The following LRBA variants were observed in gnomAD, a reference collection of about 807,000 sequenced individuals.
LRBA encodes the protein lipopolysaccharide-responsive and beige-like anchor protein.
A neutral mutation model predicts 330.0 loss-of-function variants in LRBA; 176 were observed. That is an observed-to-expected ratio of 0.53 (90% CI 0.47 to 0.60). The LOEUF (loss-of-function observed/expected upper bound fraction) is 0.60, where lower values mean the gene tolerates loss of function less well. LRBA is among the 20% of genes least tolerant of loss of function. The pLI is 0.00. For synonymous variants in LRBA, 1,230 were observed against 1,193.0 expected, an observed-to-expected ratio of 1.03 and a Z score of -0.64; for missense variants, 3,259 against 3,444.8, an observed-to-expected ratio of 0.95 and a Z score of 1.35.
intron 30 of LRBA, among the ~76,000 whole-genome samples, chr4:150,826,401 ACT>A (rs766336248): frequency 2.0e-5 from 3 of 152,124 alleles, no homozygotes; most frequent in Non-Finnish European, 4.4e-5. Context: ...AGATAGGCTA[ACT>A]CTACTGTTTT....
intron 36 of LRBA, among the ~76,000 whole-genome samples, chr4:150,723,610 G>A (rs1228527082): frequency 6.6e-6 from 1 of 152,172 alleles, no homozygotes; most frequent in Non-Finnish European, 1.5e-5. Flanking sequence ...ACTAGCTTCA[G>A]GGGTGACCCA....
chr4:150,611,376 C>A (rs189011581), intron 37 of LRBA, among the ~76,000 whole-genome samples: 3 of 152,186 alleles, frequency 2.0e-5, no homozygotes, highest in East Asian at 3.9e-4. Context: ...TAAGAAATAG[C>A]GCTAGACCCT....
intron 44 of LRBA, among the ~76,000 whole-genome samples, chr4:150,454,241 G>C (rs1307567320): frequency 6.6e-6 from 1 of 152,064 alleles, no homozygotes; most frequent in Admixed American, 6.6e-5. Flanking sequence ...TTACAGGCGT[G>C]AGCCACCACA....
chr4:150,506,852 C>A (rs1761156124), intron 40 of LRBA, among the ~76,000 whole-genome samples: 1 of 152,182 alleles, frequency 6.6e-6, no homozygotes, highest in Non-Finnish European at 1.5e-5. Flanking sequence ...CCAAAATCTC[C>A]TTAAGCTGAT....
At chr4:150,831,132 C>T (rs1430381678) in intron 29 of LRBA, among the ~76,000 whole-genome samples, 3 of 151,954 alleles carry the variant, frequency 2.0e-5, no homozygotes, top group African/African-American at 7.2e-5. Context: ...TTCTCATTTC[C>T]CTCAAAGAGA....
chr4:150,730,660 G>A (rs759258533), intron 36 of LRBA, among the ~76,000 whole-genome samples: 7 of 145,770 alleles, frequency 4.8e-5, no homozygotes, highest in Admixed American at 6.8e-5. Context: ...TCCAGCCTGC[G>A]TGACAGAGTG....
intron 22 of LRBA, among the ~76,000 whole-genome samples, chr4:150,860,609 C>T (rs1410028923): frequency 3.3e-5 from 5 of 151,990 alleles, no homozygotes; most frequent in African/African-American, 1.2e-4. Flanking sequence ...GCGTGGATCA[C>T]GAGGTCAGGA....
chr4:150,820,838 A>G (rs1022897901), intron 30 of LRBA, among the ~76,000 whole-genome samples: 1 of 152,128 alleles, frequency 6.6e-6, no homozygotes, highest in African/African-American at 2.4e-5. Context: ...TATGTTGTTA[A>G]ATATAAGTAT....
At chr4:150,688,164 T>C (rs1393089393) in intron 36 of LRBA, among the ~76,000 whole-genome samples, 1 of 152,072 alleles carries the variant, frequency 6.6e-6, no homozygotes, top group African/African-American at 2.4e-5. Context: ...TCTACAACCA[T>C]CTCATCTTTG....
At chr4:150,887,322 C>G (rs182282220) in intron 17 of LRBA, among the ~76,000 whole-genome samples, 38 of 152,050 alleles carry the variant, frequency 2.5e-4, no homozygotes, top group Non-Finnish European at 4.7e-4. Context: ...GCACAAACTA[C>G]AATCTGAAAA....
intron 31 of LRBA, among the ~76,000 whole-genome samples, chr4:150,811,373 G>C (rs1743692801): frequency 6.7e-6 from 1 of 150,168 alleles, no homozygotes; most frequent in Admixed American, 6.6e-5. Context: ...TTACTTAAAA[G>C]TAGAAATGGA....
intron 33 of LRBA, among the ~76,000 whole-genome samples, chr4:150,800,599 C>T (rs748960450): frequency 1.3e-4 from 20 of 152,092 alleles, no homozygotes; most frequent in Admixed American, 2.0e-4. Context: ...CAAAGGAAGG[C>T]CCTAAAACCT....
chr4:150,785,509 T>A (rs1259865137), intron 34 of LRBA, among the ~76,000 whole-genome samples: 3 of 152,200 alleles, frequency 2.0e-5, no homozygotes, highest in Non-Finnish European at 4.4e-5. Flanking sequence ...ATAAATGAAA[T>A]TCCTTGTCAA....
At chr4:150,788,943 G>A (rs533260572) in intron 34 of LRBA, among the ~76,000 whole-genome samples, 166 of 151,208 alleles carry the variant, frequency 1.1e-3, no homozygotes, top group Non-Finnish European at 2.0e-3. Flanking sequence ...ACATGGTGGC[G>A]TGTGCCTGTA....
chr4:150,292,029 T>TA (rs1560971964), intron 53 of LRBA, among the ~76,000 whole-genome samples: 1 of 152,212 alleles, frequency 6.6e-6, no homozygotes. Context: ...ACAATGGACT[T>TA]ATGTTTTAAA....
chr4:150,784,058 T>G (rs902132171), intron 34 of LRBA, among the ~76,000 whole-genome samples: 1 of 152,192 alleles, frequency 6.6e-6, no homozygotes, highest in African/African-American at 2.4e-5. Context: ...ATCTAATTCT[T>G]TTATCTCACT....
intron 31 of LRBA, among the ~76,000 whole-genome samples, chr4:150,809,905 G>A (rs964705374): frequency 1.4e-5 from 2 of 146,330 alleles, no homozygotes; most frequent in African/African-American, 5.1e-5. Context: ...GATACGATAC[G>A]ATACGATACG....
At chr4:150,604,255 T>G (rs780911091) in intron 37 of LRBA, among the ~76,000 whole-genome samples, 4 of 151,376 alleles carry the variant, frequency 2.6e-5, no homozygotes, top group Non-Finnish European at 2.9e-5. Context: ...AAAAAAAAAA[T>G]TAGACAGGTG....
chr4:150,906,132 G>A, intron 12 of LRBA, 142 bp from the exon 13 acceptor site: 1 of 835,618 alleles, frequency 1.2e-6, no homozygotes, highest in African/African-American at 1.7e-5. Context: ...ACATTTGTTT[G>A]ATAGAGGAAT....
Sources: gnomAD v4.1 joint callset for allele counts (sites outside exome capture counted in the v4.1 genomes callset) on GRCh38, gnomAD v4.1.1 for gene constraint, MANE v1.5 for transcripts, NCBI Gene and HGNC (gene_info 2026-07-23, HGNC 2026-07-21) for gene names.